CACNA1A: variants seen among roughly 807,000 people sequenced by gnomAD.
CACNA1A encodes calcium voltage-gated channel subunit alpha1 A, also known as voltage-dependent P/Q-type calcium channel subunit alpha-1A.
CACNA1A carries 57 observed loss-of-function variants against 262.4 expected under a neutral mutation model. That is an observed-to-expected ratio of 0.22 (90% CI 0.18 to 0.27). The LOEUF is 0.27. Ranked by LOEUF, CACNA1A falls within the 10% of genes least tolerant of loss-of-function variation. The pLI is 1.00. For synonymous variants in CACNA1A, 1,431 were observed against 1,419.3 expected, an observed-to-expected ratio of 1.01 and a Z score of -0.18; for missense variants, 2,526 against 3,562.8, an observed-to-expected ratio of 0.71 and a Z score of 7.41.
intron 1 of CACNA1A, among the ~76,000 whole-genome samples, chr19:13,460,844 C>T (rs1156582769): frequency 6.6e-6 from 1 of 152,122 alleles, no homozygotes; most frequent in African/African-American, 2.4e-5. Flanking sequence ...ATCCATCAAC[C>T]CCCTTAGCCT....
intron 10 of CACNA1A, among the ~76,000 whole-genome samples, chr19:13,324,027 G>C (rs1311535055): frequency 2.6e-5 from 4 of 152,270 alleles, no homozygotes; most frequent in Admixed American, 6.5e-5. Flanking sequence ...AGAAAATGTG[G>C]TATGTATACA....
chr19:13,317,351 C>T (rs2058148116), intron 10 of CACNA1A, 30 bp from the exon 11 acceptor site: 1 of 1,560,314 alleles, frequency 6.4e-7, no homozygotes, highest in Non-Finnish European at 8.8e-7. Flanking sequence ...GAATGTCAGG[C>T]TCAGGCTGTT....
intron 32 of CACNA1A, 50 bp downstream of exon 32, chr19:13,235,564 G>A (rs1397095849): frequency 7.9e-7 from 1 of 1,264,736 alleles, no homozygotes; most frequent in Non-Finnish European, 1.2e-6. Flanking sequence ...CAGAGCATGA[G>A]GGTCACCTGT....
intron 3 of CACNA1A, among the ~76,000 whole-genome samples, chr19:13,441,289 G>A (rs1298381960): frequency 6.6e-6 from 1 of 152,134 alleles, no homozygotes; most frequent in Non-Finnish European, 1.5e-5. Flanking sequence ...TATGTAGACT[G>A]GCTGTCCTCA....
rs139781142 is a variant in CACNA1A, at chr19:13,375,096, C to T, written c.540-3317G>A. 5.6e-4 allele frequency among the ~76,000 whole-genome samples: 85 copies of T among 152,208 alleles called. 1 individual carries two copies. The East Asian group carries it at 0.015, about 27-fold the overall frequency. On this transcript the variant is annotated intron_variant, in intron 3 of 46. Transcript: ENST00000360228. ...ATCAGGGCCATTTTTTTTCCAACAG[C>T]GTGTGCTCACTTTGCGTCTCTGTGT...
At chr19:13,375,909 G>A (rs965570370) in intron 3 of CACNA1A, among the ~76,000 whole-genome samples, 1 of 152,168 alleles carries the variant, frequency 6.6e-6, no homozygotes, top group Non-Finnish European at 1.5e-5. Context: ...TGAATGATAA[G>A]AAAGTAAGAC....
intron 17 of CACNA1A, among the ~76,000 whole-genome samples, chr19:13,303,010 G>A (rs1288776903): frequency 6.6e-6 from 1 of 152,180 alleles, no homozygotes; most frequent in Non-Finnish European, 1.5e-5. Context: ...TAGGCTGGAC[G>A]GAGGCTAGCT....
intron 6 of CACNA1A, among the ~76,000 whole-genome samples, chr19:13,342,386 T>C (rs2058690218): frequency 6.6e-6 from 1 of 152,188 alleles, no homozygotes; most frequent in Non-Finnish European, 1.5e-5. Flanking sequence ...GGGAGGGATA[T>C]GCACAAGTCT....
intron 3 of CACNA1A, among the ~76,000 whole-genome samples, chr19:13,423,892 G>A (rs891750600): frequency 6.6e-6 from 1 of 152,150 alleles, no homozygotes; most frequent in Non-Finnish European, 1.5e-5. Context: ...AGATAAATGA[G>A]GCTCTTTGCC....
chr19:13,331,762 G>A (rs2058472623), intron 9 of CACNA1A, among the ~76,000 whole-genome samples: 2 of 152,056 alleles, frequency 1.3e-5, no homozygotes, highest in East Asian at 3.9e-4. Flanking sequence ...TTGGGCTCAA[G>A]TGATCCTCCC....
chr19:13,220,734 T>C (rs2055189396), intron 38 of CACNA1A, among the ~76,000 whole-genome samples: 3 of 152,118 alleles, frequency 2.0e-5, no homozygotes, highest in Non-Finnish European at 4.4e-5. Context: ...CCAGTGATCC[T>C]CCCACTCCAG....
At chr19:13,261,337 C>T in intron 26 of CACNA1A, 113 bp downstream of exon 26, 2 of 958,954 alleles carry the variant, frequency 2.1e-6, no homozygotes, top group Admixed American at 2.7e-5. Context: ...TGAGTCACTT[C>T]CAAGGCTCAT....
rs1369965207 is a variant in CACNA1A at position 13,212,315 on chromosome 19, G to A, written c.6189+69C>T. 1.2e-5 allele frequency: 19 copies of A among 1,580,162 alleles called. No individual in the cohort carries two copies. Among genetic ancestry groups the A allele is most frequent in the East Asian group, 2.2e-5 (1 of 44,578 alleles). Reference sequence around the variant, plus strand: ...GAGCTGCAGGTGTGTGTGTGTGGGGGGCCCAGATCCCTTCCACCTGAACCA... The same window carrying A: ...GAGCTGCAGGTGTGTGTGTGTGGGGAGCCCAGATCCCTTCCACCTGAACCA... On this transcript the variant is annotated intron_variant, in intron 42 of 46. Coordinates refer to ENST00000360228, the MANE Select transcript of CACNA1A (RefSeq NM_001127222.2). This position sits in a 1 kb window ranked among gnomAD's most constrained non-coding sequence, Gnocchi z 5.6.
At chr19:13,402,869 CACACATATATATATATATATATAT>C (rs1486048662) in intron 3 of CACNA1A, among the ~76,000 whole-genome samples, 1 of 75,676 alleles carries the variant, frequency 1.3e-5, no homozygotes, top group African/African-American at 5.6e-5. Context: ...CACACACACA[CACACATATATATATATATATATAT>C]ATATATATAT....
At chr19:13,478,009 A>T (rs1978766282) in intron 1 of CACNA1A, among the ~76,000 whole-genome samples, 2 of 152,168 alleles carry the variant, frequency 1.3e-5, no homozygotes, top group African/African-American at 4.8e-5. Context: ...TCCAAGAAGC[A>T]GTCCCTGATT....
chr19:13,315,311 C>G (rs2058106512), intron 11 of CACNA1A: 1 of 151,210 alleles, frequency 6.6e-6, no homozygotes, highest in African/African-American at 2.4e-5. Context: ...AAGCGATTCT[C>G]CTGCCTCAGC....
chr19:13,427,808 T>C (rs79920302), intron 3 of CACNA1A, among the ~76,000 whole-genome samples: 15 of 148,206 alleles, frequency 1.0e-4, no homozygotes, highest in Non-Finnish European at 1.9e-4. Context: ...CAAACAAACA[T>C]ACACACACAC....
At chr19:13,213,008 T>C (rs1301819745) in intron 40 of CACNA1A, among the ~76,000 whole-genome samples, 3 of 152,084 alleles carry the variant, frequency 2.0e-5, no homozygotes, top group African/African-American at 7.2e-5. Context: ...TCAACCCCAC[T>C]GTTCCACAAG....
In CACNA1A at chr19:13,489,102, C is replaced by G. The variant is rs188800970; in HGVS notation, c.293+16830G>C. On this transcript the variant is annotated intron_variant, in intron 1 of 46. Transcript: ENST00000360228. ...TCTCAGCTCACTGCAGCCTCTGCCT[C>G]CTGGGTTCAAGCAATTCTCCTGCCT... Among the ~76,000 whole-genome samples the G allele has an allele frequency of 2.0e-3, 292 of 145,074 alleles. 1 individual carries two copies. Among genetic ancestry groups the G allele is most frequent in the African/African-American group, 7.4e-3 (285 of 38,362 alleles).
Sources: allele counts gnomAD v4.1 joint callset (sites outside exome capture counted in the v4.1 genomes callset), GRCh38; gene constraint gnomAD v4.1.1; non-coding constraint Gnocchi (gnomAD v3.1); transcripts MANE v1.5; gene names NCBI Gene and HGNC (gene_info 2026-07-23, HGNC 2026-07-21).